PTGFRN: variants seen among roughly 807,000 people sequenced by gnomAD.
PTGFRN encodes the protein prostaglandin F2 receptor inhibitor.
Under a neutral mutation model 83.2 loss-of-function variants are expected in PTGFRN, and 35 were observed. The ratio of observed to expected loss-of-function variants is 0.42; its 90% CI spans 0.32 to 0.56. The LOEUF is 0.56. Ranked by LOEUF, PTGFRN falls within the 20% of genes least tolerant of loss-of-function variation. The pLI is 0.11. For synonymous variants in PTGFRN, 519 were observed against 498.6 expected, an observed-to-expected ratio of 1.04 and a Z score of -0.55; for missense variants, 1,051 against 1,179.5, an observed-to-expected ratio of 0.89 and a Z score of 1.60.
In PTGFRN at chr1:116,984,911, A is replaced by G. The variant is rs1651419513; in HGVS notation, c.2399A>G (p.Lys800Arg). 3 of 1,614,094 alleles carry G rather than the reference A, an allele frequency of 1.9e-6. No individual in the cohort carries two copies. Among genetic ancestry groups the G allele is most frequent in the Admixed American group, 1.7e-5 (1 of 60,008 alleles). ...NYYCSVTPWV[K>R]SPTGSWQKEA... Reference sequence around the variant, plus strand: ...TACTGTTCCGTGACTCCATGGGTGAAGTCACCAACAGGTTCCTGGCAGAAG... The same window carrying G: ...TACTGTTCCGTGACTCCATGGGTGAGGTCACCAACAGGTTCCTGGCAGAAG... The change falls in exon 8 of 9, where the codon AAG (lysine) becomes AGG (arginine). Residue 800 changes from lysine (K) to arginine (R), a missense_variant. Coordinates refer to ENST00000393203, the MANE Select transcript of PTGFRN (RefSeq NM_020440.4).
At chr1:116,928,175 G>A (rs1184390724) in intron 1 of PTGFRN, among the ~76,000 whole-genome samples, 1 of 152,062 alleles carries the variant, frequency 6.6e-6, no homozygotes, top group African/African-American at 2.4e-5. Context: ...TTTAGCCCCT[G>A]GAAAAAATAA....
chr1:116,954,427 GTACC>G (rs1166199441), intron 4 of PTGFRN, among the ~76,000 whole-genome samples: 1 of 152,094 alleles, frequency 6.6e-6, no homozygotes, highest in African/African-American at 2.4e-5. Flanking sequence ...TGCCTCTAAA[GTACC>G]TACCCAATTC....
At position 116,949,301 on chromosome 1, in the gene PTGFRN, G is replaced by A. The variant is rs543612735; in HGVS notation, c.942G>A (p.Thr314=). The change falls in exon 4 of 9, where the codon ACG becomes ACA. Residue 314 remains threonine, a synonymous_variant. Transcript: ENST00000393203. ...CCGATGACGTCCGGCCCGAGGTGAC[G>A]TGGTCCTTCAGCAGGATGCCTGACA... The part of the protein sequence containing the change: ...DRADDVRPEV[T]WSFSRMPDST... The A allele has an allele frequency of 9.0e-5, 145 of 1,614,154 alleles. 2 individuals are homozygous for A. The highest frequency in any genetic ancestry group is 2.7e-5 in the African/African-American group (2 of 74,946).
In PTGFRN at chr1:116,941,636, G is replaced by A; in HGVS notation, c.50-79G>A. 2.7e-6 allele frequency: 4 copies of A among 1,509,024 alleles called. No individual in the cohort carries two copies. The highest frequency in any genetic ancestry group is 2.3e-5 in the East Asian group (1 of 44,232). 93.5% of individuals were successfully genotyped at this position (1,509,024 alleles called of 1,614,324 possible). A position where few individuals can be genotyped will look rare whatever the true frequency, so the allele number is the denominator to read the frequency against. ...GTTTCTGCCATGCCTGTGAGCAGGA[G>A]CATCCACAGGTTTGCCACATTTGTC... On this transcript the variant is annotated intron_variant, in intron 1 of 8. Transcript: ENST00000393203. This position sits in a 1 kb window ranked among gnomAD's most constrained non-coding sequence, Gnocchi z 5.0.
intron 4 of PTGFRN, among the ~76,000 whole-genome samples, chr1:116,950,771 G>A (rs891756741): frequency 5.9e-5 from 9 of 152,130 alleles, no homozygotes; most frequent in Admixed American, 5.2e-4. Flanking sequence ...CGATGGAGAC[G>A]AGGCAGGGTG....
At chr1:116,913,669 C>T (rs889262311) in intron 1 of PTGFRN, among the ~76,000 whole-genome samples, 5 of 152,326 alleles carry the variant, frequency 3.3e-5, no homozygotes, top group African/African-American at 1.2e-4. Flanking sequence ...TTGTTCACTA[C>T]AATGTCCCTA....
Position 116,949,347 on chromosome 1 carries a change from G to A in PTGFRN, c.988G>A (p.Val330Met), listed in dbSNP as rs751655171. ...MPDSTLPGSR[V>M]LARLDRDSLV... ...TGACAGCACCCTACCTGGCTCCCGC[G>A]TGTTGGCGCGGCTTGACCGTGATTC... is the stretch of plus-strand genomic sequence containing the variant. The change falls in exon 4 of 9, where the codon GTG becomes ATG. Residue 330 changes from valine (V) to methionine (M), a missense_variant. Physicochemically the swap from Val to Met is conservative, Grantham distance 21. This residue lies in a region of PTGFRN where 719 missense variants were observed against 836.6 expected (regional missense o/e 0.86). Coordinates refer to ENST00000393203, the MANE Select transcript of PTGFRN (RefSeq NM_020440.4). 49 of 1,614,150 alleles carry A rather than the reference G, an allele frequency of 3.0e-5. No homozygotes were observed. Among genetic ancestry groups the A allele is most frequent in the East Asian group, 2.9e-4 (13 of 44,898 alleles).
intron 7 of PTGFRN, among the ~76,000 whole-genome samples, chr1:116,983,567 A>C (rs1271902399): frequency 4.6e-5 from 7 of 151,512 alleles, no homozygotes. Context: ...AAAAGAGAAG[A>C]TATTACATGT....
chr1:116,968,518 A>G (rs1409151147), intron 6 of PTGFRN, among the ~76,000 whole-genome samples: 2 of 152,074 alleles, frequency 1.3e-5, no homozygotes, highest in Non-Finnish European at 2.9e-5. Context: ...TTTATTGTGT[A>G]TCTGTTTGTT....
At position 116,909,929 on chromosome 1, in the gene PTGFRN, G is replaced by C. The variant is rs1557954115; in HGVS notation, c.-275G>C. On this transcript the variant is annotated 5_prime_UTR_variant, in exon 1 of 9. Coordinates refer to ENST00000393203, the MANE Select transcript of PTGFRN (RefSeq NM_020440.4). Reference sequence around the variant, plus strand: ...GCTGCGGTTCTTCCCTTCTGCTTTCGGGAAGCGGTCGGGGCTGCACACTCG... The same window carrying C: ...GCTGCGGTTCTTCCCTTCTGCTTTCCGGAAGCGGTCGGGGCTGCACACTCG... 1 of 478,604 alleles carries C rather than the reference G, an allele frequency of 2.1e-6. No individual in the cohort carries two copies. The highest frequency in any genetic ancestry group is 3.7e-6 in the Non-Finnish European group (1 of 269,208). The allele number at this position is 478,604 out of a possible 1,614,324, so 29.6% of individuals were successfully genotyped here. A position where few individuals can be genotyped will look rare whatever the true frequency, so the allele number is the denominator to read the frequency against.
Position 116,987,961 on chromosome 1 carries a change from C to T in PTGFRN, c.*994C>T, listed in dbSNP as rs1228093608. 6.6e-6 allele frequency: 1 copy of T among 152,250 alleles called. No individual in the cohort carries two copies. Among genetic ancestry groups the T allele is most frequent in the Non-Finnish European group, 1.5e-5 (1 of 68,076 alleles). 9.4% of individuals were successfully genotyped at this position (152,250 alleles called of 1,614,324 possible). A position where few individuals can be genotyped will look rare whatever the true frequency, so the allele number is the denominator to read the frequency against. On this transcript the variant is annotated 3_prime_UTR_variant, in exon 9 of 9. Coordinates refer to ENST00000393203, the MANE Select transcript of PTGFRN (RefSeq NM_020440.4). ...CTAAAGAAGCCACCACTATTCCTCT[C>T]TCTTGCCCATTGTGGGGGGCAAAGG... is the stretch of plus-strand genomic sequence containing the variant.
chr1:116,924,492 T>C (rs190323692), intron 1 of PTGFRN, among the ~76,000 whole-genome samples: 5 of 152,278 alleles, frequency 3.3e-5, no homozygotes, highest in African/African-American at 4.8e-5. Context: ...TTGGGGACTT[T>C]TGTAAGGATC....
At chr1:116,947,658 C>G (rs570927472) in intron 3 of PTGFRN, among the ~76,000 whole-genome samples, 2 of 152,220 alleles carry the variant, frequency 1.3e-5, no homozygotes, top group Non-Finnish European at 2.9e-5. Context: ...CCGACTCCCT[C>G]CTGAGTCGTC....
chr1:116,941,892 T>C lies in PTGFRN; in HGVS notation c.227T>C (p.Val76Ala), dbSNP rs1024808076. ...GTGGAGCTTGCAAGCACCTGGGAGG[T>C]GGGGTTCCCAGCCCAGCTGTACCAG... ...SFVELASTWE[V>A]GFPAQLYQER... Residue 76 changes from valine (V) to alanine (A), a missense_variant, in exon 2 of 9, where the codon GTG (valine) becomes GCG (alanine). Physicochemically the swap from Val to Ala is moderately conservative, Grantham distance 64 (BLOSUM62 0). Around this residue, in one of 3 missense-constraint regions of PTGFRN, gnomAD observed 127 missense variants for 168.4 expected, o/e 0.75. Coordinates refer to ENST00000393203, the MANE Select transcript of PTGFRN (RefSeq NM_020440.4). This position sits in a 1 kb window ranked among gnomAD's most constrained non-coding sequence, Gnocchi z 5.0. The C allele has an allele frequency of 1.2e-6, 2 of 1,614,018 alleles. No individual in the cohort carries two copies. Among genetic ancestry groups the C allele is most frequent in the African/African-American group, 1.3e-5 (1 of 74,990 alleles).
intron 1 of PTGFRN, among the ~76,000 whole-genome samples, chr1:116,915,958 G>A (rs371208479): frequency 2.6e-5 from 4 of 152,134 alleles, no homozygotes; most frequent in African/African-American, 4.8e-5. Context: ...TGGTTTTTTC[G>A]ATCTTGGACT....
chr1:116,945,239 T>C, intron 3 of PTGFRN, 147 bp downstream of exon 3: 1 of 1,074,978 alleles, frequency 9.3e-7, no homozygotes, highest in South Asian at 1.7e-5. Flanking sequence ...GTGAAGGGAG[T>C]AGGGTGTTGA....
rs761900781 is a variant in PTGFRN at position 116,967,350 on chromosome 1, G to C, written c.2059+20G>C. ...CCTCAGGTGAGCAGTGAGCCCTGTTGAATCATAGGTGGAGCTAGAAGAGAC... is the reference window on the plus strand; with the variant it reads ...CCTCAGGTGAGCAGTGAGCCCTGTTCAATCATAGGTGGAGCTAGAAGAGAC... On this transcript the variant is annotated intron_variant, in intron 6 of 8. Transcript: ENST00000393203. The C allele has an allele frequency of 1.9e-6, 3 of 1,597,238 alleles. No homozygotes were observed. The highest frequency in any genetic ancestry group is 1.7e-6 in the Non-Finnish European group (2 of 1,168,812).
chr1:116,940,473 AAT>A (rs1650033100), intron 1 of PTGFRN, among the ~76,000 whole-genome samples: 1 of 152,200 alleles, frequency 6.6e-6, no homozygotes, highest in Admixed American at 6.5e-5. Flanking sequence ...CATCACAACT[AAT>A]TATATCTGTG....
chr1:116,942,098 T>A lies in PTGFRN; in HGVS notation c.418+15T>A. On this transcript the variant is annotated intron_variant, in intron 2 of 8. Coordinates refer to ENST00000393203, the MANE Select transcript of PTGFRN (RefSeq NM_020440.4). ...GCAGGTTAAAGGTACAGTCCTCACATGGGCTTGTTATGCCAGGGGCCAGAC... is the reference window on the plus strand; with the variant it reads ...GCAGGTTAAAGGTACAGTCCTCACAAGGGCTTGTTATGCCAGGGGCCAGAC... The A allele has an allele frequency of 6.3e-7, 1 of 1,596,052 alleles. No homozygotes were observed. The highest frequency in any genetic ancestry group is 8.6e-7 in the Non-Finnish European group (1 of 1,167,962).
Sources: allele counts gnomAD v4.1 joint callset (sites outside exome capture counted in the v4.1 genomes callset), GRCh38; gene constraint gnomAD v4.1.1; regional missense constraint gnomAD v4.1.1; non-coding constraint Gnocchi (gnomAD v3.1); transcripts MANE v1.5; gene names NCBI Gene and HGNC (gene_info 2026-07-23, HGNC 2026-07-21).